POLR1A: variants seen among roughly 807,000 people sequenced by gnomAD.
POLR1A encodes RNA polymerase I subunit A, also known as DNA-directed RNA polymerase I subunit RPA1.
Under a neutral mutation model 205.3 loss-of-function variants are expected in POLR1A, and 84 were observed. The observed-to-expected ratio is 0.41, with a 90% confidence interval of 0.34 to 0.49. The LOEUF (loss-of-function observed/expected upper bound fraction) is 0.49, where lower values mean the gene tolerates loss of function less well. Among genes scored for constraint, POLR1A ranks in the 20% least tolerant of loss-of-function variants. POLR1A has a pLI of 0.22. For missense variants in POLR1A, 1,645 were observed against 2,204.5 expected (o/e 0.75, Z 5.08); for synonymous variants, 799 against 863.7 (o/e 0.93, Z 1.31).
intron 18 of POLR1A, among the ~76,000 whole-genome samples, chr2:86,047,934 T>C (rs547596082): frequency 2.0e-5 from 3 of 152,282 alleles, no homozygotes; most frequent in Admixed American, 6.5e-5. Flanking sequence ...GAAACCATTC[T>C]GAGATGCATC....
intron 27 of POLR1A, 116 bp downstream of exon 27, chr2:86,038,584 G>A: frequency 1.0e-6 from 1 of 955,756 alleles, no homozygotes; most frequent in Non-Finnish European, 1.6e-6. Flanking sequence ...CCCTTGAAGG[G>A]CTCATTTGGG....
chr2:86,098,498 G>A, intron 3 of POLR1A, 113 bp downstream of exon 3: 2 of 1,038,882 alleles, frequency 1.9e-6, no homozygotes, highest in Non-Finnish European at 2.9e-6. Context: ...AAGATATAAA[G>A]ATCAAACGTT....
rs1180164988 is a variant in POLR1A, at chr2:86,070,023, G to C, written c.1861C>G (p.Pro621Ala). 1.2e-6 allele frequency: 2 copies of C among 1,612,768 alleles called. No individual in the cohort carries two copies. Among genetic ancestry groups the C allele is most frequent in the Admixed American group, 3.3e-5 (2 of 59,978 alleles). Residue 621 changes from proline to alanine, a missense_variant, in exon 13 of 34, where the codon CCC (proline) becomes GCC (alanine). Transcript: ENST00000263857. The surrounding 1 kb of genome is among the most constrained non-coding windows in gnomAD (Gnocchi z 4.4). ...LACTDQQYLV[P>A]KDGQPLAGLI... The stretch of plus-strand genomic sequence containing the variant: ...AGCCTCAAGGCCAGACCTACCTTGG[G>C]AACAAGGTACTGCTGATCAGTGCAG...
chr2:86,063,582 T>A (rs974884082), intron 14 of POLR1A, among the ~76,000 whole-genome samples: 2 of 152,100 alleles, frequency 1.3e-5, no homozygotes, highest in African/African-American at 4.8e-5. Flanking sequence ...CAGACCAATA[T>A]CTATCACAAA....
At position 86,020,258 on chromosome 2, in the gene POLR1A, G is replaced by T. The variant is rs1389065860; in HGVS notation, c.*7165C>A. The T allele has an allele frequency of 6.6e-6, 1 of 152,130 alleles. No individual in the cohort carries two copies. Among genetic ancestry groups the T allele is most frequent in the African/African-American group, 2.4e-5 (1 of 41,422 alleles). 9.4% of individuals were successfully genotyped at this position (152,130 alleles called of 1,614,324 possible). ...ATTTATTAATAGAGAATTGCAAACT[G>T]AAGTACAAATGAGGCTGGGCATAGT... On this transcript the variant is annotated 3_prime_UTR_variant, in exon 34 of 34. Coordinates refer to ENST00000263857, the MANE Select transcript of POLR1A (RefSeq NM_015425.6).
Position 86,075,158 on chromosome 2 carries a change from A to G in POLR1A, c.1483T>C (p.Ser495Pro), listed in dbSNP as rs1673258894. Residue 495 changes from serine to proline, a missense_variant, in exon 12 of 34, where the codon TCC (serine) becomes CCC (proline). Transcript: ENST00000263857. Reference sequence around the variant, plus strand: ...CTGCCGTCCTCATTGATGACCATGGAGGCTCCTGGGTGCACATTAGGGCCG... The same window carrying G: ...CTGCCGTCCTCATTGATGACCATGGGGGCTCCTGGGTGCACATTAGGGCCG... ...INGPNVHPGASMVINEDGSRT... is the reference protein window; with the variant it reads ...INGPNVHPGAPMVINEDGSRT... The G allele has an allele frequency of 1.1e-5, 17 of 1,613,552 alleles. No homozygotes were observed. The highest frequency in any genetic ancestry group is 1.4e-5 in the Non-Finnish European group (17 of 1,179,836).
rs141207808 is a variant in POLR1A, at chr2:86,053,675, C to T, written c.2208+465G>A. 4.5e-3 allele frequency among the ~76,000 whole-genome samples: 682 copies of T among 152,254 alleles called. 3 individuals are homozygous for T. Among genetic ancestry groups the T allele is most frequent in the Non-Finnish European group, 6.0e-3 (409 of 68,014 alleles). On this transcript the variant is annotated intron_variant, in intron 15 of 33. Transcript: ENST00000263857. ...TAAGACTCTGTGATAACGCGTTGTG[C>T]ACTGGGGGCCTGGAAAGACTTCTCC...
At position 86,045,408 on chromosome 2, in the gene POLR1A, C is replaced by T. The variant is rs565416464; in HGVS notation, c.2887-48G>A. The T allele has an allele frequency of 4.1e-5, 60 of 1,480,164 alleles. 1 individual carries two copies. Among genetic ancestry groups the T allele is most frequent in the South Asian group, 2.7e-4 (24 of 87,988 alleles). The allele number at this position is 1,480,164 out of a possible 1,614,324, so 91.7% of individuals were successfully genotyped here. A position where few individuals can be genotyped will look rare whatever the true frequency, so the allele number is the denominator to read the frequency against. ...CCCAAAGGTGACAGTGAGGACAGTG[C>T]GCTTCCTGAAGGGCTCAGGCCAACA... On this transcript the variant is annotated intron_variant, in intron 20 of 33. Coordinates refer to ENST00000263857, the MANE Select transcript of POLR1A (RefSeq NM_015425.6).
At chr2:86,035,453 C>T (rs1415449380) in intron 27 of POLR1A, among the ~76,000 whole-genome samples, 2 of 152,330 alleles carry the variant, frequency 1.3e-5, no homozygotes, top group African/African-American at 4.8e-5. Flanking sequence ...CATGGGATCA[C>T]TCTCACTCTG....
rs919142075 is a variant in POLR1A at position 86,022,262 on chromosome 2, C to T, written c.*5161G>A. On this transcript the variant is annotated 3_prime_UTR_variant, in exon 34 of 34. Coordinates refer to ENST00000263857, the MANE Select transcript of POLR1A (RefSeq NM_015425.6). ...CTTTCTTCTTTCAGGCTTTGTTGAG[C>T]CCCAGGTGGAGCTGATGGTGGCATC... 2 of 152,204 alleles carry T rather than the reference C, an allele frequency of 1.3e-5. No individual in the cohort carries two copies. Among genetic ancestry groups the T allele is most frequent in the Non-Finnish European group, 2.9e-5 (2 of 68,092 alleles). The allele number at this position is 152,204 out of a possible 1,614,324, so 9.4% of individuals were successfully genotyped here. A position where few individuals can be genotyped will look rare whatever the true frequency, so the allele number is the denominator to read the frequency against.
chr2:86,030,045 A>G, intron 31 of POLR1A, 151 bp downstream of exon 31: 3 of 663,536 alleles, frequency 4.5e-6, no homozygotes, highest in Non-Finnish European at 8.0e-6. Flanking sequence ...GGACACGCAC[A>G]CTTGGTTTGG....
Position 86,105,877 on chromosome 2 carries a change from A to G in POLR1A, c.-101T>C, listed in dbSNP as rs1388907671. ...AAGCCCGGAGTCACCACGCGATTCAACGTGCGCTTGCGCGCGGAAGCGGTC... is the reference window on the plus strand; with the variant it reads ...AAGCCCGGAGTCACCACGCGATTCAGCGTGCGCTTGCGCGCGGAAGCGGTC... On this transcript the variant is annotated 5_prime_UTR_variant, in exon 1 of 34. Coordinates refer to ENST00000263857, the MANE Select transcript of POLR1A (RefSeq NM_015425.6). The G allele has an allele frequency of 9.0e-7, 1 of 1,114,880 alleles. No individual in the cohort carries two copies. Among genetic ancestry groups the G allele is most frequent in the Non-Finnish European group, 1.3e-6 (1 of 753,040 alleles). The allele number at this position is 1,114,880 out of a possible 1,614,324, so 69.1% of individuals were successfully genotyped here. A position where few individuals can be genotyped will look rare whatever the true frequency, so the allele number is the denominator to read the frequency against.
rs773720416 is a variant in POLR1A at position 86,038,703 on chromosome 2, G to C, written c.4031C>G (p.Thr1344Arg). 1 of 1,613,388 alleles carries C rather than the reference G, an allele frequency of 6.2e-7. No homozygotes were observed. The highest frequency in any genetic ancestry group is 8.5e-7 in the Non-Finnish European group (1 of 1,179,950). The stretch of plus-strand genomic sequence containing the variant: ...CAATCACAGCCTGAGCCCTGACCTT[G>C]TTTCCATGAAGCGCAGGATGTCCTC... ...RPEDILRFME[T>R]RFFKLLMESI... is the part of the protein sequence containing the mutation. Residue 1344 changes from threonine (T) to arginine (R), a missense_variant, in exon 27 of 34, where the codon ACA becomes AGA. Thr to Arg is a moderately conservative substitution (Grantham distance 71). Around this residue, in one of 16 missense-constraint regions of POLR1A, gnomAD observed 394 missense variants for 468.5 expected, o/e 0.84. Coordinates refer to ENST00000263857, the MANE Select transcript of POLR1A (RefSeq NM_015425.6).
In POLR1A at chr2:86,048,990, C is replaced by T. The variant is rs762778123; in HGVS notation, c.2528G>A (p.Arg843Gln). 13 of 1,614,090 alleles carry T rather than the reference C, an allele frequency of 8.1e-6. No individual in the cohort carries two copies. Among genetic ancestry groups the T allele is most frequent in the African/African-American group, 2.7e-5 (2 of 74,946 alleles). ...LPEAASYDEV[R>Q]GKWQDAHLGK... Reference sequence around the variant, plus strand: ...CAGATGGGCATCCTGCCATTTTCCTCGGACCTCATCATATGATGCGGCTTC... The same window carrying T: ...CAGATGGGCATCCTGCCATTTTCCTTGGACCTCATCATATGATGCGGCTTC... Residue 843 changes from arginine to glutamine, a missense_variant, in exon 18 of 34, where the codon CGA becomes CAA. Arg to Gln is a conservative substitution (Grantham distance 43, BLOSUM62 1). This residue lies in a region of POLR1A where 339 missense variants were observed against 415.1 expected (regional missense o/e 0.82). Transcript: ENST00000263857.
chr2:86,049,918 T>G (rs1672772685), intron 16 of POLR1A, among the ~76,000 whole-genome samples: 1 of 148,416 alleles, frequency 6.7e-6, no homozygotes, highest in African/African-American at 2.6e-5. Flanking sequence ...AGTGTTTTTT[T>G]TTTTGTTTTT....
rs1453095098 is a variant in POLR1A at position 86,024,255 on chromosome 2, G to A, written c.*3168C>T. 8 of 212,642 alleles carry A rather than the reference G, an allele frequency of 3.8e-5. No individual in the cohort carries two copies. The highest frequency in any genetic ancestry group is 1.2e-4 in the Admixed American group (3 of 25,676). The allele number at this position is 212,642 out of a possible 1,614,324, so 13.2% of individuals were successfully genotyped here. On this transcript the variant is annotated 3_prime_UTR_variant, in exon 34 of 34. Transcript: ENST00000263857. The stretch of plus-strand genomic sequence containing the variant: ...GACATTATGCTAAGTGAAATAAGCC[G>A]GTCACAAAAAGACATGCTGTACTTT...
intron 3 of POLR1A, among the ~76,000 whole-genome samples, chr2:86,094,533 A>G (rs1673671864): frequency 6.6e-6 from 1 of 152,178 alleles, no homozygotes; most frequent in African/African-American, 2.4e-5. Flanking sequence ...AAGCTTTTTT[A>G]GTGGAGAATG....
Position 86,047,279 on chromosome 2 carries a change from G to A in POLR1A, c.2635-16C>T. 1.3e-6 allele frequency: 2 copies of A among 1,560,116 alleles called. No homozygotes were observed. The highest frequency in any genetic ancestry group is 1.8e-6 in the Non-Finnish European group (2 of 1,132,008). ...GCATGCATGCCTGCAGATTAAATCA[G>A]CACAGTGGTCAGTGACTTCACCTTC... On this transcript the variant is annotated splice_polypyrimidine_tract_variant and intron_variant, in intron 18 of 33. Coordinates refer to ENST00000263857, the MANE Select transcript of POLR1A (RefSeq NM_015425.6).
At chr2:86,050,443 G>A (rs894472460) in intron 16 of POLR1A, among the ~76,000 whole-genome samples, 1 of 152,208 alleles carries the variant, frequency 6.6e-6, no homozygotes, top group Non-Finnish European at 1.5e-5. Flanking sequence ...GCATTCCCAT[G>A]GGTTCAGCTA....
Sources: gnomAD v4.1 joint callset for allele counts (sites outside exome capture counted in the v4.1 genomes callset) on GRCh38, gnomAD v4.1.1 for gene constraint, gnomAD v4.1.1 regional missense constraint, Gnocchi (gnomAD v3.1) non-coding constraint, MANE v1.5 for transcripts, NCBI Gene and HGNC (gene_info 2026-07-23, HGNC 2026-07-21) for gene names.